Variants in VPS50 observed in about 807,000 individuals in gnomAD.
VPS50 encodes the protein VPS50 subunit of EARP/GARPII complex, also known as syndetin.
In VPS50, 70 loss-of-function variants were observed where a neutral mutation model predicts 139.7. The observed-to-expected ratio is 0.50, with a 90% CI of 0.41 to 0.61. The LOEUF is 0.61. VPS50 is among the 20% of genes least tolerant of loss of function. The pLI is 0.00. For missense variants in VPS50, 921 were observed against 1,133.7 expected (o/e 0.81, Z 2.69); for synonymous variants, 365 against 376.7 (o/e 0.97, Z 0.36).
chr7:93,290,870 C>T (rs150002973), intron 12 of VPS50, among the ~76,000 whole-genome samples: 1 of 152,178 alleles, frequency 6.6e-6, no homozygotes, highest in African/African-American at 2.4e-5. Context: ...ATCAACCACA[C>T]ACCATGGCAA....
intron 2 of VPS50, among the ~76,000 whole-genome samples, chr7:93,248,549 G>T (rs1795222663): frequency 6.6e-6 from 1 of 152,070 alleles, no homozygotes; most frequent in Admixed American, 6.6e-5. Context: ...CTAAGAGTTG[G>T]TGGAAAATTT....
chr7:93,236,089 T>C (rs1001384588), intron 1 of VPS50, among the ~76,000 whole-genome samples: 1 of 152,106 alleles, frequency 6.6e-6, no homozygotes, highest in Admixed American at 6.5e-5. Flanking sequence ...GTTGCATGAA[T>C]GTGGGATGAA....
At chr7:93,271,156 G>A (rs1409353243) in intron 9 of VPS50, 64 bp from the exon 10 acceptor site, 1 of 1,520,898 alleles carries the variant, frequency 6.6e-7, no homozygotes. Context: ...CAGTTAGTAT[G>A]TATTTATTTA....
At chr7:93,238,090 A>G (rs755806354) in intron 1 of VPS50, among the ~76,000 whole-genome samples, 35 of 152,206 alleles carry the variant, frequency 2.3e-4, no homozygotes, top group Non-Finnish European at 4.7e-4. Context: ...TTTGAATCAA[A>G]TTGGGAAGTT....
Position 93,360,093 on chromosome 7 carries a change from G to C in VPS50, c.*1657G>C, listed in dbSNP as rs1242260974. The C allele has an allele frequency of 1.3e-5, 2 of 152,114 alleles. No homozygotes were observed. Among genetic ancestry groups the C allele is most frequent in the Non-Finnish European group, 1.5e-5 (1 of 68,016 alleles). 9.4% of individuals were successfully genotyped at this position (152,114 alleles called of 1,614,324 possible). On this transcript the variant is annotated 3_prime_UTR_variant, in exon 28 of 28. Coordinates refer to ENST00000305866, the MANE Select transcript of VPS50 (RefSeq NM_017667.4). ...TCCTTGAGTTTAAATGGCATATTTA[G>C]CTGGGCACATAAAGAGCTAATCAAT...
At chr7:93,322,599 CAAAAAAAAAAAAA>C (rs71528064) in intron 20 of VPS50, among the ~76,000 whole-genome samples, 2 of 66,180 alleles carry the variant, frequency 3.0e-5, no homozygotes, top group African/African-American at 1.1e-4. Flanking sequence ...GACTCCGTCT[CAAAAAAAAAAAAA>C]AAAAAAAAAA....
At chr7:93,263,953 T>G (rs962630039) in intron 9 of VPS50, among the ~76,000 whole-genome samples, 1 of 152,148 alleles carries the variant, frequency 6.6e-6, no homozygotes, top group Admixed American at 6.6e-5. Context: ...ACATTTGCAT[T>G]GTATTAGACA....
intron 1 of VPS50, among the ~76,000 whole-genome samples, chr7:93,239,582 T>C (rs1002509321): frequency 3.9e-5 from 6 of 152,218 alleles, no homozygotes; most frequent in Non-Finnish European, 5.9e-5. Context: ...GTTTCTTTAC[T>C]TTTGGCTGTT....
Position 93,291,783 on chromosome 7 carries a change from G to A in VPS50, c.1023G>A (p.Arg341=). Residue 341 remains arginine, a synonymous_variant, in exon 13 of 28, where the codon AGG becomes AGA. Transcript: ENST00000305866. ...ALWEVMLSYY[R]TMEWHEKHDN... ...GGGAAGTTATGCTCAGCTATTATAGGACTATGGAATGGCATGAAAAGCATG... is the reference window on the plus strand; with the variant it reads ...GGGAAGTTATGCTCAGCTATTATAGAACTATGGAATGGCATGAAAAGCATG... 2 of 1,603,678 alleles carry A rather than the reference G, an allele frequency of 1.2e-6. No individual in the cohort carries two copies. Among genetic ancestry groups the A allele is most frequent in the Non-Finnish European group, 1.7e-6 (2 of 1,172,256 alleles).
chr7:93,276,383 C>T (rs1278074102), intron 12 of VPS50, 78 bp downstream of exon 12: 12 of 1,420,014 alleles, frequency 8.5e-6, no homozygotes, highest in Non-Finnish European at 1.0e-5. Flanking sequence ...TTGGTACATA[C>T]CTATTTGAAA....
At chr7:93,326,366 G>A (rs2117028786) in intron 21 of VPS50, among the ~76,000 whole-genome samples, 1 of 149,222 alleles carries the variant, frequency 6.7e-6, no homozygotes, top group East Asian at 2.0e-4. Flanking sequence ...GTTAATGGGT[G>A]CAGCACACCA....
Position 93,358,333 on chromosome 7 carries a change from A to G in VPS50, c.2792A>G (p.Gln931Arg). 3.1e-6 allele frequency: 5 copies of G among 1,612,952 alleles called. No homozygotes were observed. The highest frequency in any genetic ancestry group is 4.2e-6 in the Non-Finnish European group (5 of 1,179,098). The change falls in exon 28 of 28, where the codon CAG becomes CGG. Residue 931 changes from glutamine to arginine, a missense_variant. Physicochemically the swap from Gln to Arg is conservative, Grantham distance 43. Around this residue, in one of 3 missense-constraint regions of VPS50, gnomAD observed 158 missense variants for 156.3 expected, o/e 1.01. Coordinates refer to ENST00000305866, the MANE Select transcript of VPS50 (RefSeq NM_017667.4). ...IKEHREYSTK[Q>R]LTNLVNVCLG... is the part of the protein sequence containing the mutation. ...TTTGAGCAGGAATATTCAACGAAGC[A>G]GCTGACCAATCTGGTGAATGTTTGC... is the stretch of plus-strand genomic sequence containing the variant.
chr7:93,236,056 T>G (rs539098251), intron 1 of VPS50, among the ~76,000 whole-genome samples: 1 of 152,300 alleles, frequency 6.6e-6, no homozygotes, highest in South Asian at 2.1e-4. Context: ...ACCTGGAATA[T>G]AGCAGATGCT....
At chr7:93,339,097 A>C (rs1798142002) in intron 22 of VPS50, among the ~76,000 whole-genome samples, 1 of 152,142 alleles carries the variant, frequency 6.6e-6, no homozygotes. Flanking sequence ...AATTGGTGCC[A>C]AACAGTATTT....
intron 20 of VPS50, among the ~76,000 whole-genome samples, chr7:93,314,181 G>A (rs1273690140): frequency 1.3e-5 from 2 of 152,168 alleles, no homozygotes; most frequent in African/African-American, 2.4e-5. Flanking sequence ...GGAGAAGTAC[G>A]GTTGTGTAAA....
chr7:93,274,613 G>A (rs1796100323), intron 11 of VPS50, among the ~76,000 whole-genome samples: 1 of 152,108 alleles, frequency 6.6e-6, no homozygotes, highest in East Asian at 1.9e-4. Context: ...CTTTGATGGA[G>A]ATATACAAGA....
Position 93,353,579 on chromosome 7 carries a change from A to T in VPS50, c.2464-61A>T, listed in dbSNP as rs993608070. 30 of 1,530,496 alleles carry T rather than the reference A, an allele frequency of 2.0e-5. No homozygotes were observed. The African/African-American group carries it at 4.2e-4, about 21-fold the overall frequency. 94.8% of individuals were successfully genotyped at this position (1,530,496 alleles called of 1,614,324 possible). A position where few individuals can be genotyped will look rare whatever the true frequency, so the allele number is the denominator to read the frequency against. ...AATCTTTTTTATTTAAACAATTTTT[A>T]TGGGAAAGCATTGTGGCATTTTAAT... On this transcript the variant is annotated intron_variant, in intron 25 of 27. Coordinates refer to ENST00000305866, the MANE Select transcript of VPS50 (RefSeq NM_017667.4).
intron 3 of VPS50, among the ~76,000 whole-genome samples, chr7:93,253,026 G>A (rs1426589528): frequency 6.6e-6 from 1 of 152,170 alleles, no homozygotes; most frequent in African/African-American, 2.4e-5. Flanking sequence ...AGTATTTAAT[G>A]TGTTAGTATG....
intron 1 of VPS50, among the ~76,000 whole-genome samples, chr7:93,233,802 C>A (rs188287193): frequency 6.6e-6 from 1 of 152,242 alleles, no homozygotes; most frequent in East Asian, 1.9e-4. Flanking sequence ...GCATCTATTT[C>A]CACATCTTTA....
Sources: allele counts gnomAD v4.1 joint callset (sites outside exome capture counted in the v4.1 genomes callset), GRCh38; gene constraint gnomAD v4.1.1; regional missense constraint gnomAD v4.1.1; transcripts MANE v1.5; gene names NCBI Gene and HGNC (gene_info 2026-07-23, HGNC 2026-07-21).